Variants in PDE10A observed in about 807,000 individuals in gnomAD.
PDE10A encodes phosphodiesterase 10A.
In PDE10A, 39 loss-of-function variants were observed where a neutral mutation model predicts 97.7. The observed-to-expected ratio is 0.40, with a 90% CI of 0.31 to 0.52. PDE10A has a LOEUF of 0.52. PDE10A is among the 20% of genes least tolerant of loss of function. The pLI is 0.56. For synonymous variants in PDE10A, 371 were observed against 376.8 expected, an observed-to-expected ratio of 0.98 and a Z score of 0.18; for missense variants, 731 against 1,047.8, an observed-to-expected ratio of 0.70 and a Z score of 4.17.
At chr6:165,961,046 A>T (rs1405675406) in intron 1 of PDE10A, among the ~76,000 whole-genome samples, 1 of 145,488 alleles carries the variant, frequency 6.9e-6, no homozygotes, top group Non-Finnish European at 1.5e-5. Flanking sequence ...GCTCTGGGCC[A>T]GGAGCATAGG....
intron 1 of PDE10A, among the ~76,000 whole-genome samples, chr6:165,919,941 T>A (rs1253856435): frequency 6.6e-6 from 1 of 152,208 alleles, no homozygotes; most frequent in Non-Finnish European, 1.5e-5. Flanking sequence ...TCATATTCCT[T>A]AGAGTCTCTG....
chr6:165,720,112 A>C (rs1037132178), intron 1 of PDE10A, among the ~76,000 whole-genome samples: 4 of 152,242 alleles, frequency 2.6e-5, no homozygotes, highest in African/African-American at 9.6e-5. Context: ...TCTAGGAAAA[A>C]GAAAATAAAT....
intron 2 of PDE10A, among the ~76,000 whole-genome samples, chr6:165,528,756 G>A (rs1435102608): frequency 6.6e-6 from 1 of 152,166 alleles, no homozygotes; most frequent in African/African-American, 2.4e-5. Context: ...GAATTCACTG[G>A]TCTTACCATG....
At chr6:165,852,480 C>T (rs78839136) in intron 1 of PDE10A, among the ~76,000 whole-genome samples, 6,237 of 152,272 alleles carry the variant, frequency 0.041, 147 homozygotes, top group Middle Eastern at 0.078. Context: ...AAGCTTAAGC[C>T]ATTCAAAATG....
chr6:165,405,291 AAGGTACCTCTAT>A (rs1787048686), intron 13 of PDE10A, among the ~76,000 whole-genome samples: 1 of 152,140 alleles, frequency 6.6e-6, no homozygotes, highest in Non-Finnish European at 1.5e-5. Context: ...GCAGACATAA[AAGGTACCTCTAT>A]AGGCTCTTCC....
intron 1 of PDE10A, among the ~76,000 whole-genome samples, chr6:165,932,104 G>A (rs538392897): frequency 7.9e-5 from 12 of 152,258 alleles, no homozygotes; most frequent in Admixed American, 4.6e-4. Flanking sequence ...CACAGGGGAC[G>A]ATATACCGCC....
At chr6:165,471,311 G>C (rs955782474) in intron 3 of PDE10A, among the ~76,000 whole-genome samples, 1 of 152,002 alleles carries the variant, frequency 6.6e-6, no homozygotes, top group Non-Finnish European at 1.5e-5. Context: ...TTATGTTCCA[G>C]GGTTGAGCCA....
chr6:165,464,923 T>A (rs182835324), intron 3 of PDE10A, among the ~76,000 whole-genome samples: 2 of 152,362 alleles, frequency 1.3e-5, no homozygotes, highest in Admixed American at 6.5e-5. Context: ...ACATTTGGGA[T>A]GTTTGTTTCC....
intron 18 of PDE10A, among the ~76,000 whole-genome samples, chr6:165,375,593 T>C (rs1355425135): frequency 6.6e-6 from 1 of 152,206 alleles, no homozygotes. Context: ...AGATAACGGA[T>C]GAAGGTGGCT....
chr6:165,460,553 G>A (rs757676102), intron 3 of PDE10A, among the ~76,000 whole-genome samples: 1 of 152,194 alleles, frequency 6.6e-6, no homozygotes, highest in Non-Finnish European at 1.5e-5. Context: ...GGTAGATACA[G>A]GAGCAGACAT....
chr6:165,545,164 A>T (rs748434707), intron 1 of PDE10A: 1 of 505,596 alleles, frequency 2.0e-6, no homozygotes, highest in Non-Finnish European at 3.9e-6. Flanking sequence ...CACTCCCATG[A>T]CACAAGGCTA....
chr6:165,676,495 G>A (rs991613010), intron 1 of PDE10A, among the ~76,000 whole-genome samples: 2 of 152,218 alleles, frequency 1.3e-5, no homozygotes, highest in Admixed American at 1.3e-4. Flanking sequence ...AGGTTGGAAA[G>A]GGCGTGGTCG....
At chr6:165,920,755 T>C (rs908604622) in intron 1 of PDE10A, among the ~76,000 whole-genome samples, 1 of 152,236 alleles carries the variant, frequency 6.6e-6, no homozygotes, top group African/African-American at 2.4e-5. Flanking sequence ...TGCTATTATT[T>C]GTTTGTTCAT....
intron 18 of PDE10A, among the ~76,000 whole-genome samples, chr6:165,354,355 C>T (rs1001352374): frequency 1.3e-5 from 2 of 152,124 alleles, no homozygotes; most frequent in Non-Finnish European, 2.9e-5. Context: ...AGGCAAATGT[C>T]CATTGGATAA....
At position 165,661,784 on chromosome 6, in the gene PDE10A, G is replaced by A. The variant is rs1790278274; in HGVS notation, c.865+163C>T. The stretch of plus-strand genomic sequence containing the variant: ...CGAACGCTCCCGCGCTCCGCCAGGG[G>A]CACCGGCTCCTGCCCCTCCAGAGAA... On this transcript the variant is annotated intron_variant, in intron 1 of 21. Coordinates refer to ENST00000539869, the MANE Select transcript of PDE10A (RefSeq NM_001385079.1). The surrounding 1 kb of genome is among the most constrained non-coding windows in gnomAD (Gnocchi z 4.8). Among the ~76,000 whole-genome samples, 1 of 152,066 alleles carries A rather than the reference G, an allele frequency of 6.6e-6. No homozygotes were observed. The highest frequency in any genetic ancestry group is 1.5e-5 in the Non-Finnish European group (1 of 67,976).
At chr6:165,731,576 G>C (rs1792438342) in intron 1 of PDE10A, among the ~76,000 whole-genome samples, 1 of 152,218 alleles carries the variant, frequency 6.6e-6, no homozygotes, top group Admixed American at 6.5e-5. Context: ...GATTGATCCA[G>C]AAAATACTGC....
intron 2 of PDE10A, among the ~76,000 whole-genome samples, chr6:165,501,752 A>T (rs1780903477): frequency 6.6e-6 from 1 of 152,218 alleles, no homozygotes; most frequent in Non-Finnish European, 1.5e-5. Context: ...TAGAGTAAAT[A>T]CAGGCAATTC....
At chr6:165,863,828 G>A (rs1354550330) in intron 1 of PDE10A, among the ~76,000 whole-genome samples, 1 of 152,166 alleles carries the variant, frequency 6.6e-6, no homozygotes, top group Admixed American at 6.5e-5. Flanking sequence ...GAATGTAACT[G>A]TTGAAGATAA....
intron 1 of PDE10A, among the ~76,000 whole-genome samples, chr6:165,891,950 C>CT (rs67794234): frequency 6.1e-4 from 37 of 60,472 alleles, no homozygotes; most frequent in Non-Finnish European, 8.0e-4. Flanking sequence ...ACACCTTGGA[C>CT]TTTTTTTTTT....
Sources: gnomAD v4.1 joint callset for allele counts (sites outside exome capture counted in the v4.1 genomes callset) on GRCh38, gnomAD v4.1.1 for gene constraint, Gnocchi (gnomAD v3.1) non-coding constraint, MANE v1.5 for transcripts, NCBI Gene and HGNC (gene_info 2026-07-23, HGNC 2026-07-21) for gene names.